Variants in KIF16B observed in about 807,000 individuals in gnomAD.
The protein encoded by KIF16B is kinesin-like protein KIF16B.
KIF16B carries 98 observed loss-of-function variants against 156.3 expected under a neutral mutation model. The observed-to-expected ratio is 0.63, with a 90% CI of 0.53 to 0.74. KIF16B has a LOEUF of 0.74. Among genes scored for constraint, KIF16B ranks in the 30% least tolerant of loss-of-function variants. The probability of loss-of-function intolerance (pLI) is 0.00; values close to 1 mark genes in which losing one functional copy is unlikely to be tolerated. For synonymous variants in KIF16B, 564 were observed against 583.7 expected (o/e 0.97, Z 0.49); for missense variants, 1,421 against 1,606.5 (o/e 0.88, Z 1.97).
intron 1 of KIF16B, among the ~76,000 whole-genome samples, chr20:16,534,369 A>G (rs2147189751): frequency 6.6e-6 from 1 of 152,338 alleles, no homozygotes; most frequent in African/African-American, 2.4e-5. Flanking sequence ...ACACTTATAG[A>G]AAAGCCAATA....
At chr20:16,568,058 C>A (rs1273843697) in intron 1 of KIF16B, among the ~76,000 whole-genome samples, 3 of 152,202 alleles carry the variant, frequency 2.0e-5, no homozygotes, top group African/African-American at 7.2e-5. Flanking sequence ...ACCTAAGAGG[C>A]TAACCATGAA....
rs530398554 is a variant in KIF16B at position 16,429,497 on chromosome 20, G to A, written c.1422+366C>T. Among the ~76,000 whole-genome samples, 334 of 152,250 alleles carry A rather than the reference G, an allele frequency of 2.2e-3. 2 individuals carry two copies. Among genetic ancestry groups the A allele is most frequent in the Non-Finnish European group, 2.9e-3 (198 of 68,014 alleles). On this transcript the variant is annotated intron_variant, in intron 13 of 25. Transcript: ENST00000354981. ...GAACCAAGCCCAATAATGCAGGTGA[G>A]AAGCACAATTTTATAATTGCCACCA... is the stretch of plus-strand genomic sequence containing the variant.
chr20:16,433,043 C>G (rs991837406), intron 12 of KIF16B, among the ~76,000 whole-genome samples: 5 of 152,164 alleles, frequency 3.3e-5, no homozygotes, highest in Non-Finnish European at 5.9e-5. Context: ...AACCCCTACT[C>G]CTACCTCTCG....
intron 7 of KIF16B, 27 bp downstream of exon 7, chr20:16,507,931 G>A: frequency 1.9e-6 from 3 of 1,613,416 alleles, no homozygotes; most frequent in Non-Finnish European, 2.5e-6. Flanking sequence ...CAGGGATGGA[G>A]CCAGCTGGTC....
At chr20:16,333,413 T>C (rs34368306) in intron 24 of KIF16B, among the ~76,000 whole-genome samples, 4,360 of 152,352 alleles carry the variant, frequency 0.029, 92 homozygotes, top group Non-Finnish European at 0.045. Flanking sequence ...GTTCACTGTT[T>C]ATTCTCTCTA....
chr20:16,517,536 A>G (rs945416118), intron 3 of KIF16B, among the ~76,000 whole-genome samples: 4 of 152,232 alleles, frequency 2.6e-5, no homozygotes, highest in African/African-American at 9.6e-5. Context: ...GGAACACACC[A>G]GGGAGTGCCA....
intron 24 of KIF16B, among the ~76,000 whole-genome samples, chr20:16,313,115 G>C (rs1414903851): frequency 6.6e-6 from 1 of 152,182 alleles, no homozygotes; most frequent in Non-Finnish European, 1.5e-5. Flanking sequence ...AGGCAAGATA[G>C]GATTCTATAA....
chr20:16,524,184 T>G (rs2069450816), intron 3 of KIF16B, among the ~76,000 whole-genome samples: 1 of 152,134 alleles, frequency 6.6e-6, no homozygotes, highest in Admixed American at 6.5e-5. Context: ...GGGATCTAAT[T>G]AAACTAAAGA....
chr20:16,525,042 G>A (rs574057581), intron 3 of KIF16B, among the ~76,000 whole-genome samples: 5 of 152,270 alleles, frequency 3.3e-5, no homozygotes, highest in South Asian at 4.2e-4. Flanking sequence ...AGGGAGCTAC[G>A]GGAGGGATAG....
intron 24 of KIF16B, among the ~76,000 whole-genome samples, chr20:16,330,927 C>A (rs78425451): frequency 1.3e-5 from 2 of 152,208 alleles, no homozygotes; most frequent in Non-Finnish European, 2.9e-5. Context: ...CAACTCTGTA[C>A]GTTAGCTATC....
intron 14 of KIF16B, among the ~76,000 whole-genome samples, chr20:16,427,897 G>A (rs1458537544): frequency 1.3e-5 from 2 of 152,142 alleles, no homozygotes; most frequent in Non-Finnish European, 2.9e-5. Context: ...ATGAACACCT[G>A]TCAAATAAGC....
chr20:16,361,721 G>A (rs1405405959), intron 22 of KIF16B, among the ~76,000 whole-genome samples: 1 of 152,166 alleles, frequency 6.6e-6, no homozygotes, highest in African/African-American at 2.4e-5. Context: ...GCAAACTGTT[G>A]GACATTGGTA....
At chr20:16,498,481 G>GCGTGTTTTTTGT in intron 10 of KIF16B, among the ~76,000 whole-genome samples, 1 of 152,286 alleles carries the variant, frequency 6.6e-6, no homozygotes, top group Middle Eastern at 3.4e-3. Context: ...TCATATGCAA[G>GCGTGTTTTTTGT]CGTGTTTTTT....
intron 12 of KIF16B, among the ~76,000 whole-genome samples, chr20:16,431,155 C>T (rs774626568): frequency 3.9e-5 from 6 of 152,054 alleles, no homozygotes; most frequent in Non-Finnish European, 7.4e-5. Context: ...ACCCGCAGCA[C>T]GTGCCTCTGG....
chr20:16,465,020 T>C (rs2067448779), intron 12 of KIF16B, among the ~76,000 whole-genome samples: 1 of 152,224 alleles, frequency 6.6e-6, no homozygotes. Context: ...TAAATCTAAC[T>C]GTTAAAACTA....
chr20:16,565,800 G>A (rs530704281), intron 1 of KIF16B, among the ~76,000 whole-genome samples: 2 of 152,228 alleles, frequency 1.3e-5, no homozygotes, highest in South Asian at 4.1e-4. Context: ...CCCAACCCGC[G>A]TAGGGCCAGC....
At chr20:16,276,840 G>C (rs954453153) in intron 25 of KIF16B, among the ~76,000 whole-genome samples, 2 of 152,206 alleles carry the variant, frequency 1.3e-5, no homozygotes, top group African/African-American at 4.8e-5. Context: ...GTGCTGAGAG[G>C]AAACCTTGCT....
At chr20:16,508,129 A>T in intron 6 of KIF16B, 29 bp from the exon 7 acceptor site, 3 of 1,609,232 alleles carry the variant, frequency 1.9e-6, no homozygotes, top group Non-Finnish European at 2.6e-6. Context: ...GGGGTGAAGA[A>T]ATCCCCCTAA....
intron 15 of KIF16B, among the ~76,000 whole-genome samples, chr20:16,422,674 G>A (rs546776449): frequency 3.4e-4 from 51 of 152,140 alleles, no homozygotes; most frequent in African/African-American, 1.2e-3. Context: ...AATGTGTTTG[G>A]AATTTGTATA....
Sources: allele counts gnomAD v4.1 joint callset (sites outside exome capture counted in the v4.1 genomes callset), GRCh38; gene constraint gnomAD v4.1.1; transcripts MANE v1.5; gene names NCBI Gene and HGNC (gene_info 2026-07-23, HGNC 2026-07-21).